ARID1B: variants seen among roughly 807,000 people sequenced by gnomAD.
ARID1B encodes the protein AT-rich interactive domain-containing protein 1B.
ARID1B carries 30 observed loss-of-function variants against 212.3 expected under a neutral mutation model. That is an observed-to-expected ratio of 0.14 (90% CI 0.11 to 0.19). The LOEUF (loss-of-function observed/expected upper bound fraction) is 0.19, where lower values mean the gene tolerates loss of function less well. Ranked by LOEUF, ARID1B falls within the 10% of genes least tolerant of loss-of-function variation. ARID1B has a pLI of 1.00. For missense variants in ARID1B, 2,891 were observed against 3,204.0 expected (o/e 0.90, Z 2.36); for synonymous variants, 1,402 against 1,301.7 (o/e 1.08, Z -1.66).
At chr6:156,970,411 T>G (rs1296361498) in intron 4 of ARID1B, among the ~76,000 whole-genome samples, 4 of 152,212 alleles carry the variant, frequency 2.6e-5, no homozygotes, top group African/African-American at 4.8e-5. Flanking sequence ...TAAAAAATTT[T>G]TAATCAAAAA....
At chr6:156,983,912 C>A (rs1237525943) in intron 4 of ARID1B, among the ~76,000 whole-genome samples, 3 of 152,130 alleles carry the variant, frequency 2.0e-5, no homozygotes, top group Non-Finnish European at 4.4e-5. Flanking sequence ...CACCCCTCAG[C>A]CAGTTAGGAT....
intron 4 of ARID1B, among the ~76,000 whole-genome samples, chr6:156,949,591 C>G (rs1793427154): frequency 6.6e-6 from 1 of 152,186 alleles, no homozygotes. Flanking sequence ...GCGGCTGACT[C>G]TTGTCTAAAT....
At chr6:157,164,878 CT>C (rs1791212607) in intron 8 of ARID1B, 1 of 152,344 alleles carries the variant, frequency 6.6e-6, no homozygotes, top group Middle Eastern at 3.4e-3. Flanking sequence ...CCAAAATTGG[CT>C]GTGACTTGGA....
intron 4 of ARID1B, among the ~76,000 whole-genome samples, chr6:156,965,709 GA>G (rs1437343338): frequency 2.0e-5 from 3 of 152,092 alleles, no homozygotes; most frequent in Admixed American, 1.3e-4. Flanking sequence ...ACCTAATGGA[GA>G]ATTGTAGTTT....
chr6:157,142,152 A>T (rs1789406225), intron 7 of ARID1B, among the ~76,000 whole-genome samples: 1 of 152,158 alleles, frequency 6.6e-6, no homozygotes, highest in Non-Finnish European at 1.5e-5. Flanking sequence ...CGTTGTAGAG[A>T]AATAAAATGA....
intron 7 of ARID1B, among the ~76,000 whole-genome samples, chr6:157,133,643 G>A (rs138333343): frequency 1.0e-3 from 152 of 152,238 alleles, no homozygotes; most frequent in Admixed American, 2.3e-3. Flanking sequence ...GCATTGCCCC[G>A]CACATCCCTC....
At chr6:156,905,492 T>G (rs996506997) in intron 3 of ARID1B, among the ~76,000 whole-genome samples, 5 of 152,206 alleles carry the variant, frequency 3.3e-5, no homozygotes, top group African/African-American at 1.2e-4. Context: ...TGGAAAACAA[T>G]CTGTTATTCT....
At position 157,203,886 on chromosome 6, in the gene ARID1B, G is replaced by A; in HGVS notation, c.5284G>A (p.Val1762Met). ...KDIVTPEAWR[V>M]MMSLKSGLLA... ...TTCAGTTACTCCTGAGGCGTGGCGTGTGATGATGTCCCTTAAATCAGGTCT... is the reference window on the plus strand; with the variant it reads ...TTCAGTTACTCCTGAGGCGTGGCGTATGATGATGTCCCTTAAATCAGGTCT... The change falls in exon 19 of 20, where the codon GTG becomes ATG. Residue 1762 changes from valine (V) to methionine (M), a missense_variant. Transcript: ENST00000636930. This position sits in a 1 kb window ranked among gnomAD's most constrained non-coding sequence, Gnocchi z 4.4. 1 of 1,614,194 alleles carries A rather than the reference G, an allele frequency of 6.2e-7. No homozygotes were observed. The highest frequency in any genetic ancestry group is 8.5e-7 in the Non-Finnish European group (1 of 1,180,024).
intron 2 of ARID1B, among the ~76,000 whole-genome samples, chr6:156,848,774 G>C (rs287896): frequency 1.3e-5 from 2 of 152,020 alleles, no homozygotes; most frequent in South Asian, 2.1e-4. Flanking sequence ...GGGAGGTGCC[G>C]GGGGGCCTTC....
chr6:157,124,937 G>A (rs1363011477), intron 6 of ARID1B, among the ~76,000 whole-genome samples: 1 of 152,156 alleles, frequency 6.6e-6, no homozygotes, highest in African/African-American at 2.4e-5. Flanking sequence ...GCCAGGGAAT[G>A]GCACCTTACC....
intron 4 of ARID1B, chr6:156,939,812 T>C (rs1792530665): frequency 1.3e-5 from 2 of 152,202 alleles, no homozygotes; most frequent in Admixed American, 6.5e-5. Flanking sequence ...CCTAAAAGCA[T>C]TCTGTTCTTA....
At chr6:156,943,670 C>T (rs947202290) in intron 4 of ARID1B, 1 of 152,120 alleles carries the variant, frequency 6.6e-6, no homozygotes, top group African/African-American at 2.4e-5. Context: ...GGTACGTGTT[C>T]ATTGCATGTG....
At chr6:156,936,944 G>A (rs1038632590) in intron 4 of ARID1B, 5 of 152,190 alleles carry the variant, frequency 3.3e-5, no homozygotes, top group Admixed American at 6.5e-5. Flanking sequence ...GAGAAGGTAA[G>A]TGATGACCAC....
intron 4 of ARID1B, chr6:156,985,496 A>G (rs1283542489): frequency 1.3e-5 from 2 of 152,208 alleles, no homozygotes; most frequent in African/African-American, 4.8e-5. Context: ...ACGTTTAAAC[A>G]TTGGTTGTAA....
intron 4 of ARID1B, among the ~76,000 whole-genome samples, chr6:157,067,167 AC>A (rs1783721708): frequency 6.6e-6 from 1 of 152,236 alleles, no homozygotes; most frequent in South Asian, 2.1e-4. Flanking sequence ...CAGTATTTGT[AC>A]TAGTTTGTCA....
intron 4 of ARID1B, among the ~76,000 whole-genome samples, chr6:156,945,672 G>A (rs1793067221): frequency 6.6e-6 from 1 of 152,110 alleles, no homozygotes; most frequent in Admixed American, 6.5e-5. Flanking sequence ...GCTTTAGAAT[G>A]GTAATATGAC....
intron 2 of ARID1B, chr6:156,870,535 C>A (rs963398533): frequency 1.3e-5 from 2 of 152,088 alleles, no homozygotes; most frequent in Non-Finnish European, 2.9e-5. Context: ...AAATTGCCTT[C>A]GTTGTCTTTT....
In ARID1B at chr6:156,779,407, C is replaced by A. The variant is rs1477691712; in HGVS notation, c.1727C>A (p.Ala576Glu). ...YAAASPAWAA[A>E]QQRSHPAMSP... Reference sequence around the variant, plus strand: ...GCTGCCAGCCCGGCCTGGGCGGCCGCGCAACAAAGGAGTCACCCGGCGATG... The same window carrying A: ...GCTGCCAGCCCGGCCTGGGCGGCCGAGCAACAAAGGAGTCACCCGGCGATG... Residue 576 changes from alanine to glutamate, a missense_variant, in exon 1 of 20, where the codon GCG becomes GAG. By Grantham distance (107) the Ala-to-Glu change is moderately radical. Coordinates refer to ENST00000636930, the MANE Select transcript of ARID1B (RefSeq NM_001374828.1). 6.9e-7 allele frequency: 1 copy of A among 1,449,956 alleles called. No homozygotes were observed. The highest frequency in any genetic ancestry group is 1.3e-5 in the South Asian group (1 of 77,680). The allele number at this position is 1,449,956 out of a possible 1,614,324, so 89.8% of individuals were successfully genotyped here.
rs539579182 is a variant in ARID1B at position 157,120,328 on chromosome 6, G to T, written c.2581+9767G>T. 1.4e-4 allele frequency among the ~76,000 whole-genome samples: 21 copies of T among 152,320 alleles called. No individual in the cohort carries two copies. The East Asian group carries it at 4.1e-3, about 29-fold the overall frequency. On this transcript the variant is annotated intron_variant, in intron 6 of 19. Coordinates refer to ENST00000636930, the MANE Select transcript of ARID1B (RefSeq NM_001374828.1). ...ACCAGTCAGTAGCGGAAAGGAGTTT[G>T]TGGGGTGGATGGGGACAGCTTAGAG... is the stretch of plus-strand genomic sequence containing the variant.
Sources: allele counts gnomAD v4.1 joint callset (sites outside exome capture counted in the v4.1 genomes callset), GRCh38; gene constraint gnomAD v4.1.1; non-coding constraint Gnocchi (gnomAD v3.1); transcripts MANE v1.5; gene names NCBI Gene and HGNC (gene_info 2026-07-23, HGNC 2026-07-21).